Variants in LRP1B observed in about 807,000 individuals in gnomAD.
LRP1B encodes LDL receptor related protein 1B, also known as low-density lipoprotein receptor-related protein 1B.
In LRP1B, 217 loss-of-function variants were observed where a neutral mutation model predicts 556.6. The observed-to-expected ratio is 0.39, with a 90% CI of 0.35 to 0.44. The LOEUF (loss-of-function observed/expected upper bound fraction) is 0.44. LRP1B is among the 20% of genes least tolerant of loss of function. The probability of loss-of-function intolerance (pLI) is 1.00; values close to 1 mark genes in which losing one functional copy is unlikely to be tolerated. For synonymous variants in LRP1B, 2,047 were observed against 1,865.8 expected (o/e 1.10, Z -2.50); for missense variants, 5,053 against 5,620.8 (o/e 0.90, Z 3.23).
chr2:141,237,239 C>G lies in LRP1B; in HGVS notation c.593-7799G>C, dbSNP rs142531922. 2.8e-3 allele frequency among the ~76,000 whole-genome samples: 432 copies of G among 151,676 alleles called. 2 individuals are homozygous for G. Among genetic ancestry groups the G allele is most frequent in the African/African-American group, 9.9e-3 (409 of 41,374 alleles). ...GGATAAAGGGTATCATTAAAAGAAA[C>G]AGTAAGAGAAGAAAGTAGAATCAGT... On this transcript the variant is annotated intron_variant, in intron 5 of 90. Coordinates refer to ENST00000389484, the MANE Select transcript of LRP1B (RefSeq NM_018557.3).
chr2:140,280,899 A>C (rs888714236), intron 84 of LRP1B, among the ~76,000 whole-genome samples: 5 of 151,824 alleles, frequency 3.3e-5, no homozygotes, highest in African/African-American at 1.2e-4. Flanking sequence ...TCACAATATA[A>C]AAATTTTTAT....
intron 3 of LRP1B, among the ~76,000 whole-genome samples, chr2:141,426,117 C>G (rs1175459951): frequency 6.6e-6 from 1 of 151,994 alleles, no homozygotes; most frequent in Non-Finnish European, 1.5e-5. Flanking sequence ...AGGAAGGGAT[C>G]CAGTTTCAGC....
rs1682518207 is a variant in LRP1B at position 140,272,738 on chromosome 2, C to T, written c.13142+1686G>A. 2.6e-5 allele frequency among the ~76,000 whole-genome samples: 4 copies of T among 151,932 alleles called. No homozygotes were observed. In the South Asian group the frequency reaches 8.3e-4, roughly 31 times the overall value. On this transcript the variant is annotated intron_variant, in intron 85 of 90. Transcript: ENST00000389484. Reference sequence around the variant, plus strand: ...CATAGAAATAAAAATGAACTTTAATCATCTAACATGTTTCAGAAAATCCAA... The same window carrying T: ...CATAGAAATAAAAATGAACTTTAATTATCTAACATGTTTCAGAAAATCCAA...
At chr2:140,997,109 T>C (rs1697269965) in intron 15 of LRP1B, among the ~76,000 whole-genome samples, 1 of 151,888 alleles carries the variant, frequency 6.6e-6, no homozygotes, top group African/African-American at 2.4e-5. Context: ...CAATAAAAAA[T>C]TGACAAAGTA....
At position 140,381,861 on chromosome 2, in the gene LRP1B, CAAAAAAAAAA is replaced by C. The variant is rs56723132; in HGVS notation, c.10532-3585_10532-3576del. 3.9e-3 allele frequency among the ~76,000 whole-genome samples: 248 copies of C among 64,196 alleles called. 2 individuals carry two copies. Among genetic ancestry groups the C allele is most frequent in the Admixed American group, 8.2e-3 (42 of 5,096 alleles). 42.1% of individuals were successfully genotyped at this position (64,196 alleles called of 152,430 possible). A position where few individuals can be genotyped will look rare whatever the true frequency, so the allele number is the denominator to read the frequency against. On this transcript the variant is annotated intron_variant, in intron 67 of 90. Coordinates refer to ENST00000389484, the MANE Select transcript of LRP1B (RefSeq NM_018557.3). ...TGGGCAACAAAGTGAGGCTCCCTTT[CAAAAAAAAAA>C]AAAAAAAAAAAAAAAGAGGAGAAAA...
intron 84 of LRP1B, among the ~76,000 whole-genome samples, chr2:140,285,341 GTATA>G (rs774066418): frequency 1.6e-3 from 239 of 149,536 alleles, no homozygotes; most frequent in Non-Finnish European, 3.1e-3. Context: ...ACATACATAT[GTATA>G]TATGTGTACA....
intron 3 of LRP1B, among the ~76,000 whole-genome samples, chr2:141,397,630 T>C (rs1218310884): frequency 1.3e-5 from 2 of 151,912 alleles, no homozygotes; most frequent in African/African-American, 4.8e-5. Flanking sequence ...TATTGCTATA[T>C]TTTAAAATAA....
At chr2:140,998,209 A>C (rs1016562442) in intron 15 of LRP1B, among the ~76,000 whole-genome samples, 2 of 152,020 alleles carry the variant, frequency 1.3e-5, no homozygotes, top group African/African-American at 4.8e-5. Context: ...TTGGATAACC[A>C]ATGTTTTTGC....
chr2:140,965,519 T>C (rs1462759418), intron 18 of LRP1B, among the ~76,000 whole-genome samples: 1 of 149,858 alleles, frequency 6.7e-6, no homozygotes, highest in Non-Finnish European at 1.5e-5. Flanking sequence ...AATAGTTATA[T>C]AAAATTTTAT....
chr2:140,765,138 T>C (rs1473762548), intron 35 of LRP1B, among the ~76,000 whole-genome samples: 1 of 152,118 alleles, frequency 6.6e-6, no homozygotes, highest in African/African-American at 2.4e-5. Context: ...CCCTTGTTTA[T>C]CTTCATCTTC....
chr2:140,833,238 A>T (rs1691778986), intron 31 of LRP1B, among the ~76,000 whole-genome samples: 1 of 152,212 alleles, frequency 6.6e-6, no homozygotes, highest in East Asian at 1.9e-4. Flanking sequence ...TGTAAAGTAC[A>T]CAATAATCAC....
chr2:141,071,387 A>G (rs1046634308), intron 7 of LRP1B, among the ~76,000 whole-genome samples: 1 of 151,890 alleles, frequency 6.6e-6, no homozygotes, highest in African/African-American at 2.4e-5. Context: ...TGACAAACCC[A>G]CAGCCAATAT....
intron 41 of LRP1B, among the ~76,000 whole-genome samples, chr2:140,691,258 G>A (rs1210900407): frequency 6.6e-6 from 1 of 152,058 alleles, no homozygotes; most frequent in African/African-American, 2.4e-5. Flanking sequence ...GATCACCTGA[G>A]GTTGGGAGTT....
intron 41 of LRP1B, among the ~76,000 whole-genome samples, chr2:140,631,275 T>C (rs1683873562): frequency 6.6e-6 from 1 of 152,178 alleles, no homozygotes; most frequent in African/African-American, 2.4e-5. Flanking sequence ...TTGCATGACA[T>C]GCTAAAAGGC....
chr2:141,146,690 G>A (rs1701792118), intron 7 of LRP1B, among the ~76,000 whole-genome samples: 1 of 152,090 alleles, frequency 6.6e-6, no homozygotes, highest in Non-Finnish European at 1.5e-5. Context: ...TTGATTTCAG[G>A]CCATTTTTGT....
At chr2:141,998,752 G>C (rs1702571321) in intron 1 of LRP1B, among the ~76,000 whole-genome samples, 1 of 152,162 alleles carries the variant, frequency 6.6e-6, no homozygotes, top group Non-Finnish European at 1.5e-5. Flanking sequence ...TCGTAGGAGA[G>C]GACCTTCCAG....
At chr2:140,456,384 A>G in intron 62 of LRP1B, 71 bp downstream of exon 62, 4 of 1,435,572 alleles carry the variant, frequency 2.8e-6, no homozygotes, top group Non-Finnish European at 3.8e-6. Flanking sequence ...TGATCATTCA[A>G]TGTTATGCTA....
At chr2:141,340,932 T>C (rs1315691560) in intron 3 of LRP1B, among the ~76,000 whole-genome samples, 1 of 150,508 alleles carries the variant, frequency 6.6e-6, no homozygotes, top group Non-Finnish European at 1.5e-5. Context: ...TGGGCACAGA[T>C]ACGCAGATAA....
intron 41 of LRP1B, among the ~76,000 whole-genome samples, chr2:140,670,665 T>A (rs528965973): frequency 1.6e-5 from 2 of 126,412 alleles, no homozygotes; most frequent in South Asian, 2.7e-4. Flanking sequence ...GTTAATCTTT[T>A]AAAAAAATAA....
Sources: allele counts gnomAD v4.1 joint callset (sites outside exome capture counted in the v4.1 genomes callset), GRCh38; gene constraint gnomAD v4.1.1; transcripts MANE v1.5; gene names NCBI Gene and HGNC (gene_info 2026-07-23, HGNC 2026-07-21).